Variants in TMEM232 observed in about 807,000 individuals in gnomAD.
TMEM232 encodes the protein transmembrane protein 232.
A neutral mutation model predicts 78.8 loss-of-function variants in TMEM232; 80 were observed. The observed-to-expected ratio is 1.01, with a 90% CI of 0.85 to 1.22. TMEM232 has a LOEUF of 1.22. Among genes scored for constraint, TMEM232 ranks in the 50% most tolerant of loss-of-function variants. TMEM232 has a pLI of 0.00. For synonymous variants in TMEM232, 297 were observed against 254.3 expected, an observed-to-expected ratio of 1.17 and a Z score of -1.60; for missense variants, 881 against 742.2, an observed-to-expected ratio of 1.19 and a Z score of -2.17.
At chr5:110,461,381 G>A (rs1440499736) in intron 12 of TMEM232, among the ~76,000 whole-genome samples, 1 of 152,182 alleles carries the variant, frequency 6.6e-6, no homozygotes, top group Non-Finnish European at 1.5e-5. Flanking sequence ...AAGACTGAGA[G>A]AGGTAAAGAA....
chr5:110,487,770 G>C, intron 12 of TMEM232, among the ~76,000 whole-genome samples: 1 of 151,626 alleles, frequency 6.6e-6, no homozygotes, highest in Non-Finnish European at 1.5e-5. Context: ...TTTCTTTTTT[G>C]GTTATTTCCT....
chr5:110,689,056 C>T (rs949334743), intron 1 of TMEM232, among the ~76,000 whole-genome samples: 2 of 152,010 alleles, frequency 1.3e-5, no homozygotes, highest in Admixed American at 1.3e-4. Context: ...CTCAATATAC[C>T]ACCCTTTCCC....
intron 12 of TMEM232, among the ~76,000 whole-genome samples, chr5:110,507,886 G>T (rs1257400565): frequency 6.6e-6 from 1 of 152,124 alleles, no homozygotes; most frequent in Non-Finnish European, 1.5e-5. Flanking sequence ...TTCTAATCCA[G>T]CAAGAAAAGA....
intron 1 of TMEM232, among the ~76,000 whole-genome samples, chr5:110,708,351 T>C (rs1435014365): frequency 6.6e-6 from 1 of 152,220 alleles, no homozygotes; most frequent in African/African-American, 2.4e-5. Flanking sequence ...AAGGGACTTC[T>C]TCACAGAAAG....
At chr5:110,508,896 A>ATATATATAAAATTATATATATG (rs1561590850) in intron 12 of TMEM232, among the ~76,000 whole-genome samples, 1 of 142,898 alleles carries the variant, frequency 7.0e-6, no homozygotes, top group Non-Finnish European at 1.5e-5. Context: ...GTATATATGT[A>ATATATATAAAATTATATATATG]TATATATAAA....
rs946212665 is a variant in TMEM232 at position 110,466,013 on chromosome 5, T to C, written c.1704-41097A>G. On this transcript the variant is annotated intron_variant, in intron 12 of 13. Coordinates refer to ENST00000455884, the MANE Select transcript of TMEM232 (RefSeq NM_001039763.4). ...ATGATCTTTCATGAGCAACTGAAAA[T>C]AGCAGATTAAAAATATATATACAAA... is the stretch of plus-strand genomic sequence containing the variant. Among the ~76,000 whole-genome samples the C allele has an allele frequency of 3.9e-5, 6 of 152,216 alleles. No homozygotes were observed. In the East Asian group the frequency reaches 5.8e-4, roughly 15 times the overall value.
intron 2 of TMEM232, among the ~76,000 whole-genome samples, chr5:110,661,719 C>T (rs374602584): frequency 6.6e-6 from 1 of 152,212 alleles, no homozygotes; most frequent in African/African-American, 2.4e-5. Context: ...TCTGAGGAAA[C>T]TCCAAACTGT....
intron 10 of TMEM232, among the ~76,000 whole-genome samples, chr5:110,594,904 C>T (rs1006980018): frequency 2.0e-5 from 3 of 152,208 alleles, no homozygotes; most frequent in Non-Finnish European, 4.4e-5. Flanking sequence ...GATCTCTCAG[C>T]ACAGTGCTTA....
intron 12 of TMEM232, among the ~76,000 whole-genome samples, chr5:110,480,903 T>A (rs1184269537): frequency 6.6e-6 from 1 of 152,102 alleles, no homozygotes; most frequent in Non-Finnish European, 1.5e-5. Flanking sequence ...CAACCTACAT[T>A]GAATTCAAAT....
chr5:110,430,246 A>G (rs184694779), intron 12 of TMEM232: 23 of 151,756 alleles, frequency 1.5e-4, no homozygotes, highest in Admixed American at 9.9e-4. Flanking sequence ...CTAAGAGCTT[A>G]TTGCTCAAAG....
intron 2 of TMEM232, among the ~76,000 whole-genome samples, chr5:110,413,808 C>T (rs935687571): frequency 6.6e-6 from 1 of 152,150 alleles, no homozygotes; most frequent in African/African-American, 2.4e-5. Context: ...AGGGGACTCA[C>T]TATTTTGAAC....
At chr5:110,567,787 T>C (rs956831585) in intron 11 of TMEM232, among the ~76,000 whole-genome samples, 2 of 151,946 alleles carry the variant, frequency 1.3e-5, no homozygotes, top group Admixed American at 1.3e-4. Flanking sequence ...GTGTTCAGCC[T>C]TCTTCCTGGT....
chr5:110,550,458 C>T (rs61537053), intron 11 of TMEM232, among the ~76,000 whole-genome samples: 14,385 of 151,728 alleles, frequency 0.095, 823 homozygotes, highest in South Asian at 0.2. Flanking sequence ...GTTTATGATG[C>T]TCACAAAAAA....
rs548296945 is a variant in TMEM232, at chr5:110,557,212, A to C, written c.1455+11235T>G. On this transcript the variant is annotated intron_variant, in intron 11 of 13. Transcript: ENST00000455884. The stretch of plus-strand genomic sequence containing the variant: ...ATGAAATTTTTCTAGTGAGTATCTC[A>C]GCTCTATCAGATCAGTTTTGTTCTT... Among the ~76,000 whole-genome samples the C allele has an allele frequency of 2.0e-3, 311 of 152,286 alleles. 3 individuals are homozygous for C. The highest frequency in any genetic ancestry group is 4.6e-3 in the Admixed American group (70 of 15,282).
At chr5:110,536,843 A>G (rs1019395974) in intron 11 of TMEM232, among the ~76,000 whole-genome samples, 5 of 152,206 alleles carry the variant, frequency 3.3e-5, no homozygotes, top group Non-Finnish European at 5.9e-5. Flanking sequence ...GAACTGATGT[A>G]CAATCTAATG....
intron 12 of TMEM232, among the ~76,000 whole-genome samples, chr5:110,508,927 T>TAA (rs1291755494): frequency 1.6e-4 from 22 of 140,292 alleles, no homozygotes; most frequent in African/African-American, 5.0e-4. Flanking sequence ...TGTATATATA[T>TAA]AATTATATAT....
chr5:110,523,986 T>TGGGGGG (rs1769981901), intron 12 of TMEM232, among the ~76,000 whole-genome samples: 2 of 25,848 alleles, frequency 7.7e-5, no homozygotes, highest in Admixed American at 5.1e-4. Flanking sequence ...GCGGGGGGGC[T>TGGGGGG]GGGCCTGGTG....
At chr5:110,657,020 G>A (rs1376684154) in intron 2 of TMEM232, among the ~76,000 whole-genome samples, 1 of 152,048 alleles carries the variant, frequency 6.6e-6, no homozygotes, top group Non-Finnish European at 1.5e-5. Context: ...TGGGGTAAGT[G>A]CCATATCCAT....
intron 4 of TMEM232, among the ~76,000 whole-genome samples, chr5:110,389,963 A>T (rs1049829764): frequency 2.0e-5 from 3 of 152,142 alleles, no homozygotes; most frequent in Non-Finnish European, 2.9e-5. Flanking sequence ...CCCCCAAAAC[A>T]TTGACAATTC....
Sources: allele counts gnomAD v4.1 joint callset (sites outside exome capture counted in the v4.1 genomes callset), GRCh38; gene constraint gnomAD v4.1.1; transcripts MANE v1.5; gene names NCBI Gene and HGNC (gene_info 2026-07-23, HGNC 2026-07-21).